The following DNHD1 variants were observed in gnomAD, a reference collection of about 807,000 sequenced individuals.
The protein encoded by DNHD1 is dynein heavy chain domain 1.
A neutral mutation model predicts 458.1 loss-of-function variants in DNHD1; 383 were observed. The ratio of observed to expected loss-of-function variants is 0.84; its 90% CI spans 0.77 to 0.91. The LOEUF is 0.91. Ranked by LOEUF, DNHD1 falls within the 40% of genes least tolerant of loss-of-function variation. The pLI is 0.00. For synonymous variants in DNHD1, 2,203 were observed against 2,376.9 expected (o/e 0.93, Z 2.13); for missense variants, 5,336 against 5,866.1 (o/e 0.91, Z 2.95).
rs1172203319 is a variant in DNHD1 at position 6,546,406 on chromosome 11, C to T, written c.5467C>T (p.Arg1823Trp). 29 of 1,551,862 alleles carry T rather than the reference C, an allele frequency of 1.9e-5. No homozygotes were observed. The highest frequency in any genetic ancestry group is 1.7e-4 in the East Asian group (7 of 40,930). The change falls in exon 21 of 43, where the codon CGG becomes TGG. Residue 1823 changes from arginine to tryptophan, a missense_variant. Arg to Trp is a moderately radical substitution (Grantham distance 101, BLOSUM62 -3). This residue lies in a region of DNHD1 where 3,932 missense variants were observed against 4,365.6 expected (regional missense o/e 0.90). Transcript: ENST00000254579. ...AVPANLHLLLRPVALALPDLR... is the reference protein window; with the variant it reads ...AVPANLHLLLWPVALALPDLR... The stretch of plus-strand genomic sequence containing the variant: ...GCCTGCCAACCTGCACCTGCTGCTG[C>T]GGCCTGTGGCATTGGCATTGCCTGA...
At chr11:6,519,922 T>C in intron 8 of DNHD1, 43 bp from the exon 9 acceptor site, 1 of 1,613,504 alleles carries the variant, frequency 6.2e-7, no homozygotes, top group Non-Finnish European at 8.5e-7. Context: ...GAATGTATAC[T>C]GACATCTAGC....
intron 24 of DNHD1, among the ~76,000 whole-genome samples, chr11:6,555,885 C>T (rs796907687): frequency 2.0e-5 from 3 of 152,240 alleles, no homozygotes; most frequent in African/African-American, 7.2e-5. Flanking sequence ...GGTGATGACA[C>T]AGGTGTGTAC....
At chr11:6,499,075 T>G (rs1484409580) in intron 3 of DNHD1, 114 bp downstream of exon 3, 1 of 1,231,322 alleles carries the variant, frequency 8.1e-7, no homozygotes, top group African/African-American at 1.5e-5. Flanking sequence ...TCACAGGGAT[T>G]AGCCCAACTC....
intron 12 of DNHD1, among the ~76,000 whole-genome samples, chr11:6,531,458 G>T (rs1410263886): frequency 6.6e-6 from 1 of 152,112 alleles, no homozygotes; most frequent in Non-Finnish European, 1.5e-5. Flanking sequence ...TATACCATAC[G>T]GTGTCACTGT....
chr11:6,548,570 C>T lies in DNHD1; in HGVS notation c.7099-75C>T. On this transcript the variant is annotated intron_variant, in intron 23 of 42. Transcript: ENST00000254579. This position sits in a 1 kb window ranked among gnomAD's most constrained non-coding sequence, Gnocchi z 4.4. ...CCAAGTACAGCTCTAGGACAAGTCCCTTAGACTTTTATTTTCAGCTAGATT... is the reference window on the plus strand; with the variant it reads ...CCAAGTACAGCTCTAGGACAAGTCCTTTAGACTTTTATTTTCAGCTAGATT... 2.0e-6 allele frequency: 3 copies of T among 1,523,376 alleles called. No homozygotes were observed. Among genetic ancestry groups the T allele is most frequent in the East Asian group, 2.5e-5 (1 of 40,780 alleles). The allele number at this position is 1,523,376 out of a possible 1,614,324, so 94.4% of individuals were successfully genotyped here.
At chr11:6,568,986 G>A in intron 39 of DNHD1, 120 bp downstream of exon 39, 2 of 1,169,556 alleles carry the variant, frequency 1.7e-6, no homozygotes, top group South Asian at 3.2e-5. Flanking sequence ...AAGGGCAAGG[G>A]GAAGTCAAGG....
At chr11:6,514,028 A>T (rs1327756318) in intron 7 of DNHD1, among the ~76,000 whole-genome samples, 1 of 151,580 alleles carries the variant, frequency 6.6e-6, no homozygotes, top group East Asian at 1.9e-4. Flanking sequence ...TTGTATTTTT[A>T]GTAGAGACGG....
chr11:6,558,771 C>G, intron 26 of DNHD1, 78 bp downstream of exon 26: 1 of 1,508,698 alleles, frequency 6.6e-7, no homozygotes, highest in Non-Finnish European at 9.0e-7. Context: ...CAGTCTCTCT[C>G]TCTCCCTCTC....
intron 39 of DNHD1, among the ~76,000 whole-genome samples, 163 bp downstream of exon 39, chr11:6,569,029 T>C (rs988166901): frequency 2.6e-5 from 4 of 152,176 alleles, no homozygotes; most frequent in African/African-American, 9.7e-5. Flanking sequence ...GATTTTACTT[T>C]GAATTGAGTC....
Position 6,547,484 on chromosome 11 carries a change from C to T in DNHD1, c.6545C>T (p.Ala2182Val). 6.4e-7 allele frequency: 1 copy of T among 1,550,894 alleles called. No homozygotes were observed. The highest frequency in any genetic ancestry group is 8.7e-7 in the Non-Finnish European group (1 of 1,146,272). The change falls in exon 21 of 43, where the codon GCT becomes GTT. Residue 2182 changes from alanine (A) to valine (V), a missense_variant. Around this residue, in one of 4 missense-constraint regions of DNHD1, gnomAD observed 3,932 missense variants for 4,365.6 expected, o/e 0.90. Transcript: ENST00000254579. ...ACAGTCGCTGAGCTCAACCACATGG[C>T]TGAGGTTCTGGTGCCTGCAACATTG... ...HRTVAELNHMAEVLVPATLRF... is the reference protein window; with the variant it reads ...HRTVAELNHMVEVLVPATLRF...
rs373471976 is a variant in DNHD1, at chr11:6,514,157, G to A, written c.1392+2728G>A. ...CTGGCTGTGTCTCCCAGGCTGGAGTGCAGTGGTGTGATCTCAGCTCACTGC... is the reference window on the plus strand; with the variant it reads ...CTGGCTGTGTCTCCCAGGCTGGAGTACAGTGGTGTGATCTCAGCTCACTGC... On this transcript the variant is annotated intron_variant, in intron 7 of 42. Transcript: ENST00000254579. 3.7e-4 allele frequency among the ~76,000 whole-genome samples: 56 copies of A among 152,234 alleles called. 1 individual carries two copies. In the South Asian group the frequency reaches 0.011, roughly 31 times the overall value.
In DNHD1 at chr11:6,545,106, T is replaced by C. The variant is rs750934816; in HGVS notation, c.4167T>C (p.Pro1389=). 1.4e-4 allele frequency: 222 copies of C among 1,552,004 alleles called. 1 individual carries two copies. Among genetic ancestry groups the C allele is most frequent in the Non-Finnish European group, 1.9e-4 (215 of 1,147,090 alleles). ...EAQLWVRRCF[P]HVHAVSFRSC... ...AGCTATGGGTACGACGCTGCTTTCC[T>C]CATGTGCATGCTGTGAGCTTCAGGT... is the stretch of plus-strand genomic sequence containing the variant. The change falls in exon 21 of 43, where the codon CCT becomes CCC. Residue 1389 remains proline (P), a synonymous_variant. Coordinates refer to ENST00000254579, the MANE Select transcript of DNHD1 (RefSeq NM_144666.3). The surrounding 1 kb of genome is among the most constrained non-coding windows in gnomAD (Gnocchi z 4.9).
At chr11:6,538,287 C>G in intron 14 of DNHD1, 96 bp from the exon 15 acceptor site, 1 of 1,215,366 alleles carries the variant, frequency 8.2e-7, no homozygotes, top group African/African-American at 1.5e-5. Context: ...TTTCTGGACC[C>G]TACCTTCTGT....
chr11:6,550,355 A>G (rs1589888029), intron 24 of DNHD1, among the ~76,000 whole-genome samples: 2 of 152,226 alleles, frequency 1.3e-5, no homozygotes, highest in Non-Finnish European at 2.9e-5. Flanking sequence ...AAAATTAGAG[A>G]CAATAGAAGG....
chr11:6,520,734 T>C, intron 10 of DNHD1: 1 of 1,007,652 alleles, frequency 9.9e-7, no homozygotes, highest in South Asian at 4.3e-5. Context: ...TATTGAAATA[T>C]TTTATGGTTA....
In DNHD1 at chr11:6,539,904, A is replaced by G; in HGVS notation, c.3449A>G (p.His1150Arg). The stretch of plus-strand genomic sequence containing the variant: ...TGGCAGAATGAAAATGAACGAATTC[A>G]TGCCCAAGAGACTATACGGCGGTTG... ...QVWQNENERI[H>R]AQETIRRLQR... is the part of the protein sequence containing the mutation. Residue 1150 changes from histidine to arginine, a missense_variant, in exon 18 of 43, where the codon CAT becomes CGT. This residue lies in a region of DNHD1 where 3,932 missense variants were observed against 4,365.6 expected (regional missense o/e 0.90). Transcript: ENST00000254579. 6.4e-7 allele frequency: 1 copy of G among 1,551,756 alleles called. No individual in the cohort carries two copies. The highest frequency in any genetic ancestry group is 1.2e-5 in the South Asian group (1 of 84,066).
Position 6,498,501 on chromosome 11 carries a change from G to T in DNHD1, c.286G>T (p.Glu96Ter). The change falls in exon 3 of 43, where the codon GAG becomes TAG. Residue 96 changes from glutamate to a stop codon, truncating the protein, a stop_gained. Coordinates refer to ENST00000254579, the MANE Select transcript of DNHD1 (RefSeq NM_144666.3). LOFTEE classifies it high-confidence loss of function. The part of the protein sequence containing the change: ...AVLGLLPPYR[E>*]LLVGHLDLLP... The stretch of plus-strand genomic sequence containing the variant: ...ACTGGGTCTACTGCCTCCATATCGT[G>T]AGTTGCTAGTTGGCCACCTTGATTT... 1 of 1,614,204 alleles carries T rather than the reference G, an allele frequency of 6.2e-7. No individual in the cohort carries two copies.
Position 6,566,755 on chromosome 11 carries a change from AG to A in DNHD1, c.11377del (p.Ala3793LeufsTer7). On this transcript the variant is annotated frameshift_variant, in exon 35 of 43. Transcript: ENST00000254579. LOFTEE classifies it high-confidence loss of function. ...IRALDTCKAV[E>X]AAEERLLTML... ...GCCCTAGATACCTGCAAGGCTGTGG[AG>A]GCTGCTGAGGTGCTTGGGGGCTCAG... The A allele has an allele frequency of 1.9e-6, 3 of 1,610,060 alleles. No homozygotes were observed. In the South Asian group the frequency reaches 3.3e-5, roughly 18 times the overall value.
rs756304388 is a variant in DNHD1 at position 6,558,563 on chromosome 11, C to T, written c.9081C>T (p.Ser3027=). 2 of 1,551,648 alleles carry T rather than the reference C, an allele frequency of 1.3e-6. No homozygotes were observed. Among genetic ancestry groups the T allele is most frequent in the Admixed American group, 2.0e-5 (1 of 50,994 alleles). The change falls in exon 26 of 43, where the codon TCC becomes TCT. Residue 3027 remains serine, a synonymous_variant. Coordinates refer to ENST00000254579, the MANE Select transcript of DNHD1 (RefSeq NM_144666.3). ...AACAGGCCCACAAGCAGCTGCCCTC[C>T]ACCCTTTTCCTGAGGCTCCTTCAAC... ...GDKQAHKQLP[S]TLFLRLLQLA... is the part of the protein sequence containing the mutation.
Sources: allele counts gnomAD v4.1 joint callset (sites outside exome capture counted in the v4.1 genomes callset), GRCh38; gene constraint gnomAD v4.1.1; regional missense constraint gnomAD v4.1.1; non-coding constraint Gnocchi (gnomAD v3.1); transcripts MANE v1.5; gene names NCBI Gene and HGNC (gene_info 2026-07-23, HGNC 2026-07-21).